Variants in QTMAN observed in about 807,000 individuals in gnomAD.
QTMAN encodes queuosine-tRNA mannosyltransferase, also known as tRNA-queuosine alpha-mannosyltransferase.
At chr2:144,012,026 A>G in the QTMAN span, among the ~76,000 whole-genome samples, 1 of 152,144 alleles carries the variant, frequency 6.6e-6, no homozygotes, top group African/African-American at 2.4e-5. Context: ...CTTTAGAAAT[A>G]TTCGGATTGC....
the QTMAN span, among the ~76,000 whole-genome samples, chr2:144,203,240 G>C: frequency 1.5e-4 from 23 of 152,178 alleles, no homozygotes; most frequent in African/African-American, 5.5e-4. Flanking sequence ...AGAAGAGTGG[G>C]GGAGAGAGCA....
At chr2:144,198,182 G>A in the QTMAN span, among the ~76,000 whole-genome samples, 2 of 151,524 alleles carry the variant, frequency 1.3e-5, no homozygotes, top group South Asian at 4.2e-4. Flanking sequence ...AGCTATGACT[G>A]TACTACTATA....
the QTMAN span, among the ~76,000 whole-genome samples, chr2:143,986,102 G>A: frequency 8.0e-4 from 122 of 152,220 alleles, no homozygotes; most frequent in African/African-American, 2.8e-3. Flanking sequence ...CTTTACTTGA[G>A]TATCAATTAC....
At chr2:144,275,918 C>T in the QTMAN span, among the ~76,000 whole-genome samples, 5 of 152,286 alleles carry the variant, frequency 3.3e-5, 1 homozygote, top group Admixed American at 3.3e-4. Flanking sequence ...TAAGAACTCT[C>T]GCTAACTATA....
At chr2:144,201,053 T>C in the QTMAN span, among the ~76,000 whole-genome samples, 1 of 152,078 alleles carries the variant, frequency 6.6e-6, no homozygotes. Flanking sequence ...ATAAACAAGA[T>C]AGATATGACT....
At chr2:144,007,149 C>T in the QTMAN span, 1 of 1,256,980 alleles carries the variant, frequency 8.0e-7, no homozygotes, top group Non-Finnish European at 1.1e-6. Context: ...ACCAGTTCTA[C>T]AACTCTTACT....
the QTMAN span, among the ~76,000 whole-genome samples, chr2:144,010,365 T>A: frequency 6.6e-6 from 1 of 152,112 alleles, no homozygotes; most frequent in Non-Finnish European, 1.5e-5. Context: ...ATGACTGACT[T>A]GATAGGTCAT....
the QTMAN span, among the ~76,000 whole-genome samples, chr2:144,076,542 A>T: frequency 6.6e-6 from 1 of 152,198 alleles, no homozygotes; most frequent in Non-Finnish European, 1.5e-5. Context: ...CAGGCTACCA[A>T]CATGATTTCT....
At chr2:143,939,940 C>G in the QTMAN span, 1 of 152,168 alleles carries the variant, frequency 6.6e-6, no homozygotes, top group Non-Finnish European at 1.5e-5. Flanking sequence ...GTCTCTTTCT[C>G]TTTCTTTCTG....
chr2:144,096,594 C>G, the QTMAN span, among the ~76,000 whole-genome samples: 1 of 152,200 alleles, frequency 6.6e-6, no homozygotes, highest in Admixed American at 6.5e-5. Flanking sequence ...AAAACACACT[C>G]AAGTTTAAAG....
chr2:144,175,537 T>G, the QTMAN span, among the ~76,000 whole-genome samples: 1 of 152,094 alleles, frequency 6.6e-6, no homozygotes, highest in Non-Finnish European at 1.5e-5. Context: ...GGCACTAAAT[T>G]CACATGGCAT....
the QTMAN span, among the ~76,000 whole-genome samples, chr2:144,216,652 G>A: frequency 6.6e-6 from 1 of 152,094 alleles, no homozygotes; most frequent in Non-Finnish European, 1.5e-5. Context: ...GAATTTATGG[G>A]AAATAATAAT....
At chr2:144,038,375 G>A in the QTMAN span, among the ~76,000 whole-genome samples, 3 of 152,020 alleles carry the variant, frequency 2.0e-5, no homozygotes, top group East Asian at 1.9e-4. Flanking sequence ...TTATATATAC[G>A]TTTGTCTCAT....
the QTMAN span, among the ~76,000 whole-genome samples, chr2:144,018,398 G>A: frequency 1.3e-5 from 2 of 151,388 alleles, no homozygotes. Flanking sequence ...TGATTATATT[G>A]CTATCTAATT....
At chr2:144,104,084 C>T in the QTMAN span, among the ~76,000 whole-genome samples, 1 of 152,062 alleles carries the variant, frequency 6.6e-6, no homozygotes, top group African/African-American at 2.4e-5. Context: ...AGCAAGACTC[C>T]ATCTCAAAAA....
At chr2:144,100,758 T>C in the QTMAN span, among the ~76,000 whole-genome samples, 3 of 152,084 alleles carry the variant, frequency 2.0e-5, no homozygotes, top group African/African-American at 7.2e-5. Flanking sequence ...ACTTAGAAAT[T>C]AACTTGCTTA....
At chr2:143,995,741 A>G in the QTMAN span, among the ~76,000 whole-genome samples, 1 of 152,180 alleles carries the variant, frequency 6.6e-6, no homozygotes, top group South Asian at 2.1e-4. Flanking sequence ...TATATTTTAA[A>G]CCTGTTTTAA....
chr2:144,031,383 T>C, the QTMAN span, among the ~76,000 whole-genome samples: 2 of 152,026 alleles, frequency 1.3e-5, no homozygotes, highest in African/African-American at 2.4e-5. Flanking sequence ...GGTGGCTACA[T>C]AGATAGTGCT....
At chr2:144,291,898 C>T in the QTMAN span, among the ~76,000 whole-genome samples, 1 of 152,296 alleles carries the variant, frequency 6.6e-6, no homozygotes, top group Non-Finnish European at 1.5e-5. Flanking sequence ...ATCCAAGAAA[C>T]CAACTGCTTT....
Sources: allele counts gnomAD v4.1 joint callset (sites outside exome capture counted in the v4.1 genomes callset), GRCh38; gene constraint gnomAD v4.1.1; transcripts MANE v1.5; gene names NCBI Gene and HGNC (gene_info 2026-07-23, HGNC 2026-07-21).